The following B3GAT2 variants were observed in gnomAD, a reference collection of about 807,000 sequenced individuals.
B3GAT2 encodes the protein galactosylgalactosylxylosylprotein 3-beta-glucuronosyltransferase 2.
Under a neutral mutation model 27.8 loss-of-function variants are expected in B3GAT2, and 26 were observed. That is an observed-to-expected ratio of 0.93 (90% confidence interval 0.68 to 1.30). B3GAT2 has a LOEUF of 1.30. Among genes scored for constraint, B3GAT2 ranks in the 50% most tolerant of loss-of-function variants. The pLI is 0.00. For synonymous variants in B3GAT2, 218 were observed against 195.1 expected (o/e 1.12, Z -0.98); for missense variants, 458 against 459.0 (o/e 1.00, Z 0.02).
At chr6:70,918,180 T>C (rs1772806009) in intron 1 of B3GAT2, among the ~76,000 whole-genome samples, 2 of 152,204 alleles carry the variant, frequency 1.3e-5, no homozygotes, top group South Asian at 2.1e-4. Context: ...TCTCTTTTGA[T>C]CTTTGTTGCT....
rs564142309 is a variant in B3GAT2, at chr6:70,860,798, T to C, written c.*865A>G. On this transcript the variant is annotated 3_prime_UTR_variant, in exon 4 of 4. Coordinates refer to ENST00000230053, the MANE Select transcript of B3GAT2 (RefSeq NM_080742.3). ...TGTCTCACTGAGCACTGTTTTCTAGTGTATCAAAATGCTCTTATTTCATCA... is the reference window on the plus strand; with the variant it reads ...TGTCTCACTGAGCACTGTTTTCTAGCGTATCAAAATGCTCTTATTTCATCA... 84 of 398,456 alleles carry C rather than the reference T, an allele frequency of 2.1e-4. No individual in the cohort carries two copies. Among genetic ancestry groups the C allele is most frequent in the African/African-American group, 1.3e-3 (63 of 48,706 alleles). 24.7% of individuals were successfully genotyped at this position (398,456 alleles called of 1,614,324 possible). A position where few individuals can be genotyped will look rare whatever the true frequency, so the allele number is the denominator to read the frequency against.
intron 1 of B3GAT2, among the ~76,000 whole-genome samples, chr6:70,902,582 G>A (rs530908091): frequency 6.7e-6 from 1 of 148,556 alleles, no homozygotes; most frequent in East Asian, 2.0e-4. Flanking sequence ...ATCAACCTAA[G>A]TGCCTATCAA....
In B3GAT2 at chr6:70,884,108, A is replaced by C. The variant is rs1040334220; in HGVS notation, c.736+10020T>G. Among the ~76,000 whole-genome samples, 808 of 144,398 alleles carry C rather than the reference A, an allele frequency of 5.6e-3. 7 individuals carry two copies. The highest frequency in any genetic ancestry group is 0.02 in the African/African-American group (764 of 37,966). The allele number at this position is 144,398 out of a possible 152,430, so 94.7% of individuals were successfully genotyped here. On this transcript the variant is annotated intron_variant, in intron 2 of 3. Transcript: ENST00000230053. The stretch of plus-strand genomic sequence containing the variant: ...CACCTCAAGACTCAAAAAAAAAAAA[A>C]AAAAACAAAAAAAACCCGCAACCAC...
At chr6:70,918,624 T>C (rs1185053385) in intron 1 of B3GAT2, among the ~76,000 whole-genome samples, 1 of 152,210 alleles carries the variant, frequency 6.6e-6, no homozygotes, top group East Asian at 1.9e-4. Flanking sequence ...TGCTTGTCTG[T>C]AAAGGATTTT....
In B3GAT2 at chr6:70,927,695, C is replaced by A. The variant is rs542828779; in HGVS notation, c.591+28144G>T. Among the ~76,000 whole-genome samples, 14 of 152,218 alleles carry A rather than the reference C, an allele frequency of 9.2e-5. No homozygotes were observed. The East Asian group carries it at 1.7e-3, about 19-fold the overall frequency. On this transcript the variant is annotated intron_variant, in intron 1 of 3. Transcript: ENST00000230053. ...CATAAAGCGAGTCCTTAGAAACCTA[C>A]AAAGAGACTTAGACTCCCAAACAAT... is the stretch of plus-strand genomic sequence containing the variant.
chr6:70,938,581 G>A (rs1182927940), intron 1 of B3GAT2, among the ~76,000 whole-genome samples: 1 of 150,262 alleles, frequency 6.7e-6, no homozygotes, highest in Non-Finnish European at 1.5e-5. Context: ...ACAGAACAGA[G>A]CCCTCAGAAA....
At chr6:70,937,920 A>C (rs1432071311) in intron 1 of B3GAT2, among the ~76,000 whole-genome samples, 1 of 152,012 alleles carries the variant, frequency 6.6e-6, no homozygotes, top group Non-Finnish European at 1.5e-5. Flanking sequence ...AGGCAGAAGA[A>C]GGACATAAAG....
chr6:70,917,200 T>C (rs1772787688), intron 1 of B3GAT2, among the ~76,000 whole-genome samples: 1 of 152,234 alleles, frequency 6.6e-6, no homozygotes, highest in African/African-American at 2.4e-5. Context: ...GTGTTTATAG[T>C]ATTGTCTGAT....
In B3GAT2 at chr6:70,861,610, C is replaced by G; in HGVS notation, c.*53G>C. The G allele has an allele frequency of 6.6e-7, 1 of 1,524,596 alleles. No individual in the cohort carries two copies. The highest frequency in any genetic ancestry group is 9.0e-7 in the Non-Finnish European group (1 of 1,105,142). The allele number at this position is 1,524,596 out of a possible 1,614,324, so 94.4% of individuals were successfully genotyped here. On this transcript the variant is annotated 3_prime_UTR_variant, in exon 4 of 4. Transcript: ENST00000230053. The stretch of plus-strand genomic sequence containing the variant: ...CTCTGTAGCCTAAACTCCAAACATC[C>G]TCTTCCATATGGATCCACTGGCTGG...
chr6:70,902,647 C>T (rs1432954921), intron 1 of B3GAT2, among the ~76,000 whole-genome samples: 57 of 144,266 alleles, frequency 4.0e-4, no homozygotes, highest in African/African-American at 1.3e-3. Flanking sequence ...TACACACACA[C>T]ACACACACAC....
chr6:70,945,616 G>A (rs557219671), intron 1 of B3GAT2, among the ~76,000 whole-genome samples: 19 of 150,840 alleles, frequency 1.3e-4, no homozygotes, highest in Admixed American at 3.3e-4. Context: ...TGAAAGTGAC[G>A]GGGAGGATGG....
chr6:70,938,086 A>G (rs889406580), intron 1 of B3GAT2, among the ~76,000 whole-genome samples: 1 of 150,810 alleles, frequency 6.6e-6, no homozygotes, highest in Non-Finnish European at 1.5e-5. Flanking sequence ...TACAAAAATC[A>G]CAAGCATTCT....
Position 70,952,990 on chromosome 6 carries a change from C to CG in B3GAT2, c.591+2848dup, listed in dbSNP as rs1765599110. 4.6e-5 allele frequency among the ~76,000 whole-genome samples: 7 copies of CG among 152,280 alleles called. No homozygotes were observed. The South Asian group carries it at 1.5e-3, about 32-fold the overall frequency. ...TTCCTTCATTTGCAGCCAATACTTACGGAGCTAATTTGTACGTGGTTCATT... is the reference window on the plus strand; with the variant it reads ...TTCCTTCATTTGCAGCCAATACTTACGGGAGCTAATTTGTACGTGGTTCATT... On this transcript the variant is annotated intron_variant, in intron 1 of 3. Transcript: ENST00000230053.
At position 70,956,689 on chromosome 6, in the gene B3GAT2, G is replaced by A; in HGVS notation, c.-260C>T. ...GCCCCCGACTCCAGGTGAGCTGGCGGGAAGCGGGACTCGGTCCAGCCGCGC... is the reference window on the plus strand; with the variant it reads ...GCCCCCGACTCCAGGTGAGCTGGCGAGAAGCGGGACTCGGTCCAGCCGCGC... On this transcript the variant is annotated 5_prime_UTR_variant, in exon 1 of 4. Coordinates refer to ENST00000230053, the MANE Select transcript of B3GAT2 (RefSeq NM_080742.3). 7.3e-7 allele frequency: 1 copy of A among 1,376,424 alleles called. No individual in the cohort carries two copies. Among genetic ancestry groups the A allele is most frequent in the Non-Finnish European group, 9.4e-7 (1 of 1,067,882 alleles). 85.3% of individuals were successfully genotyped at this position (1,376,424 alleles called of 1,614,324 possible). A position where few individuals can be genotyped will look rare whatever the true frequency, so the allele number is the denominator to read the frequency against.
intron 2 of B3GAT2, among the ~76,000 whole-genome samples, chr6:70,872,585 G>A (rs946313595): frequency 7.7e-6 from 1 of 130,386 alleles, no homozygotes; most frequent in African/African-American, 2.9e-5. Flanking sequence ...TTGTGTCTTT[G>A]AATCTAACAT....
chr6:70,955,761 G>A (rs1338899074), intron 1 of B3GAT2, 78 bp downstream of exon 1: 4 of 1,436,612 alleles, frequency 2.8e-6, no homozygotes, highest in African/African-American at 1.5e-5. Context: ...GGAGTGCAAG[G>A]GGCGTGTGAC....
intron 1 of B3GAT2, among the ~76,000 whole-genome samples, chr6:70,941,370 G>A (rs1056392786): frequency 3.9e-5 from 6 of 152,030 alleles, no homozygotes; most frequent in Non-Finnish European, 8.8e-5. Context: ...ATCACTCGAG[G>A]CAGTCAACCC....
intron 1 of B3GAT2, among the ~76,000 whole-genome samples, chr6:70,930,650 C>T (rs1773046787): frequency 1.3e-5 from 2 of 152,188 alleles, no homozygotes; most frequent in African/African-American, 4.8e-5. Flanking sequence ...CATCTCACAC[C>T]AGTTAGAATG....
chr6:70,912,494 G>T (rs1772703695), intron 1 of B3GAT2, among the ~76,000 whole-genome samples: 1 of 152,030 alleles, frequency 6.6e-6, no homozygotes, highest in South Asian at 2.1e-4. Context: ...GGATCATGGT[G>T]GATTAGTTTT....
Sources: allele counts gnomAD v4.1 joint callset (sites outside exome capture counted in the v4.1 genomes callset), GRCh38; gene constraint gnomAD v4.1.1; transcripts MANE v1.5; gene names NCBI Gene and HGNC (gene_info 2026-07-23, HGNC 2026-07-21).